Variants in AGBL4 observed in about 807,000 individuals in gnomAD.
AGBL4 encodes cytosolic carboxypeptidase 6.
AGBL4 carries 58 observed loss-of-function variants against 66.4 expected under a neutral mutation model. That is an observed-to-expected ratio of 0.87 (90% CI 0.71 to 1.09). AGBL4 has a LOEUF of 1.09. AGBL4 is among the 50% of genes least tolerant of loss of function. The pLI is 0.00. For missense variants in AGBL4, 579 were observed against 631.0 expected (o/e 0.92, Z 0.88); for synonymous variants, 234 against 222.9 (o/e 1.05, Z -0.44).
intron 6 of AGBL4, among the ~76,000 whole-genome samples, chr1:48,717,483 G>A (rs182503042): frequency 6.6e-6 from 1 of 152,096 alleles, no homozygotes; most frequent in African/African-American, 2.4e-5. Flanking sequence ...TTTGTTTGCT[G>A]TATTGACATT....
intron 1 of AGBL4, among the ~76,000 whole-genome samples, chr1:49,886,896 T>C (rs1198479399): frequency 6.6e-6 from 1 of 152,138 alleles, no homozygotes; most frequent in Non-Finnish European, 1.5e-5. Flanking sequence ...GTTTTCCTAA[T>C]TTATTTCTGC....
intron 1 of AGBL4, chr1:49,865,952 T>C (rs1571745736): frequency 2.5e-6 from 1 of 403,226 alleles, no homozygotes; most frequent in Middle Eastern, 3.6e-4. Context: ...CATGAGAATA[T>C]AATTTTGCAA....
intron 1 of AGBL4, among the ~76,000 whole-genome samples, chr1:49,863,060 A>G (rs1646613556): frequency 6.6e-6 from 1 of 152,220 alleles, no homozygotes; most frequent in Non-Finnish European, 1.5e-5. Flanking sequence ...AAACTACAGT[A>G]AGCAAAACAG....
intron 2 of AGBL4, among the ~76,000 whole-genome samples, chr1:49,753,256 C>T (rs757183918): frequency 6.6e-6 from 1 of 152,170 alleles, no homozygotes; most frequent in Non-Finnish European, 1.5e-5. Context: ...CTTGCACGGG[C>T]AAGGCTGATG....
chr1:49,688,408 T>A (rs1010409894), intron 3 of AGBL4, among the ~76,000 whole-genome samples: 2 of 152,172 alleles, frequency 1.3e-5, no homozygotes, highest in Non-Finnish European at 2.9e-5. Context: ...AATGAAAGGA[T>A]CTCGTTCTTT....
chr1:49,883,335 G>T (rs969091190), intron 1 of AGBL4, among the ~76,000 whole-genome samples: 1 of 151,984 alleles, frequency 6.6e-6, no homozygotes, highest in Admixed American at 6.6e-5. Context: ...ACCTGTAGAC[G>T]TGCATAAAAT....
intron 5 of AGBL4, among the ~76,000 whole-genome samples, chr1:48,894,666 T>C (rs1651328630): frequency 1.3e-5 from 2 of 152,182 alleles, no homozygotes; most frequent in African/African-American, 2.4e-5. Flanking sequence ...GTGTGTGACA[T>C]GTAGATACAT....
chr1:49,223,486 T>G (rs1198780550), intron 4 of AGBL4, among the ~76,000 whole-genome samples: 1 of 152,196 alleles, frequency 6.6e-6, no homozygotes, highest in Non-Finnish European at 1.5e-5. Flanking sequence ...AGCTGTTATG[T>G]TTCGTTTCTT....
chr1:49,003,920 C>T lies in AGBL4; in HGVS notation c.594+41664G>A, dbSNP rs1179659112. Among the ~76,000 whole-genome samples the T allele has an allele frequency of 3.9e-5, 6 of 152,230 alleles. No individual in the cohort carries two copies. In the East Asian group the frequency reaches 9.6e-4, roughly 24 times the overall value. On this transcript the variant is annotated intron_variant, in intron 5 of 13. Coordinates refer to ENST00000371839, the MANE Select transcript of AGBL4 (RefSeq NM_032785.4). ...TCCCTACAAGGCTCTTGGAGCCAGA[C>T]ATGGTCAGACATCTATCTCTCTAGC...
chr1:48,827,697 C>T (rs1289636234), intron 6 of AGBL4, among the ~76,000 whole-genome samples: 1 of 152,170 alleles, frequency 6.6e-6, no homozygotes, highest in Non-Finnish European at 1.5e-5. Flanking sequence ...AAGCGGGTTG[C>T]AAGCAAGAAA....
At chr1:49,866,612 A>AT (rs1189513019) in intron 1 of AGBL4, among the ~76,000 whole-genome samples, 1 of 152,002 alleles carries the variant, frequency 6.6e-6, no homozygotes. Context: ...AAAAATGCAA[A>AT]TATTAGCCGG....
At position 49,511,311 on chromosome 1, in the gene AGBL4, C is replaced by T. The variant is rs551361904; in HGVS notation, c.282+186002G>A. 2.1e-3 allele frequency among the ~76,000 whole-genome samples: 316 copies of T among 151,222 alleles called. 3 individuals carry two copies. The highest frequency in any genetic ancestry group is 0.016 in the South Asian group (79 of 4,804). ...TGAGTTCATGTCCTTTGTAGGGACA[C>T]GGATGAAATTGGAAATCATCATTCT... On this transcript the variant is annotated intron_variant, in intron 3 of 13. Transcript: ENST00000371839.
At chr1:49,209,791 A>G (rs1648526996) in intron 4 of AGBL4, among the ~76,000 whole-genome samples, 1 of 152,106 alleles carries the variant, frequency 6.6e-6, no homozygotes, top group African/African-American at 2.4e-5. Flanking sequence ...ACATAATCTG[A>G]TTCATGTTTT....
chr1:49,090,444 T>C (rs1200846738), intron 4 of AGBL4, among the ~76,000 whole-genome samples: 6 of 151,952 alleles, frequency 3.9e-5, no homozygotes, highest in Non-Finnish European at 8.8e-5. Flanking sequence ...ACACCAACAA[T>C]GTCCAAGCTG....
intron 6 of AGBL4, among the ~76,000 whole-genome samples, chr1:48,682,931 T>A (rs150252467): frequency 5.2e-4 from 79 of 152,164 alleles, no homozygotes; most frequent in African/African-American, 1.7e-3. Context: ...TTTGAGAAAA[T>A]ATAAAGTACT....
intron 5 of AGBL4, among the ~76,000 whole-genome samples, chr1:48,956,356 A>G (rs1042705581): frequency 6.6e-6 from 1 of 152,232 alleles, no homozygotes; most frequent in African/African-American, 2.4e-5. Context: ...CTCCAGTGCT[A>G]ATAGCAACAG....
At chr1:49,420,702 A>C (rs925356301) in intron 3 of AGBL4, among the ~76,000 whole-genome samples, 16 of 30,464 alleles carry the variant, frequency 5.3e-4, no homozygotes, top group Non-Finnish European at 1.7e-3. Context: ...CTCCGTCTCA[A>C]AAAAAAAAAA....
chr1:49,003,991 G>T (rs772812269), intron 5 of AGBL4, among the ~76,000 whole-genome samples: 1 of 152,132 alleles, frequency 6.6e-6, no homozygotes, highest in Non-Finnish European at 1.5e-5. Context: ...TCAAATTCCA[G>T]ACTCTCCGAA....
intron 6 of AGBL4, among the ~76,000 whole-genome samples, chr1:48,671,999 C>G (rs895672714): frequency 2.6e-5 from 4 of 152,140 alleles, no homozygotes; most frequent in African/African-American, 9.7e-5. Context: ...ATGAAGTGCC[C>G]TTTTGCAACA....
Sources: gnomAD v4.1 joint callset for allele counts (sites outside exome capture counted in the v4.1 genomes callset) on GRCh38, gnomAD v4.1.1 for gene constraint, MANE v1.5 for transcripts, NCBI Gene and HGNC (gene_info 2026-07-23, HGNC 2026-07-21) for gene names.